The following NCALD variants were observed in gnomAD, a reference collection of about 807,000 sequenced individuals.
NCALD encodes neurocalcin delta.
A neutral mutation model predicts 18.6 loss-of-function variants in NCALD; 10 were observed. The observed-to-expected ratio is 0.54, with a 90% CI of 0.33 to 0.91. The LOEUF is 0.91. NCALD is among the 40% of genes least tolerant of loss of function. The probability of loss-of-function intolerance (pLI) is 0.03; values close to 1 mark genes in which losing one functional copy is unlikely to be tolerated. For missense variants in NCALD, 184 were observed against 247.6 expected (o/e 0.74, Z 1.72); for synonymous variants, 88 against 87.4 (o/e 1.01, Z -0.04).
chr8:101,778,144 T>C (rs112005601), intron 1 of NCALD, among the ~76,000 whole-genome samples: 4,187 of 152,344 alleles, frequency 0.027, 93 homozygotes, highest in Middle Eastern at 0.048. Flanking sequence ...GTCAGGACAG[T>C]CACAGGCTTG....
At chr8:101,817,194 T>C (rs886758405) in intron 4 of NCALD, among the ~76,000 whole-genome samples, 3 of 152,122 alleles carry the variant, frequency 2.0e-5, no homozygotes, top group African/African-American at 7.2e-5. Context: ...TAGAAGCCCC[T>C]GTTCTTCCTT....
chr8:101,742,855 T>G (rs1482941950), intron 1 of NCALD, among the ~76,000 whole-genome samples: 1 of 152,096 alleles, frequency 6.6e-6, no homozygotes, highest in Non-Finnish European at 1.5e-5. Context: ...CAATATGTGT[T>G]GTTCCCCCTC....
chr8:101,893,679 C>G (rs1342744694), intron 3 of NCALD, among the ~76,000 whole-genome samples: 1 of 126,684 alleles, frequency 7.9e-6, no homozygotes, highest in Non-Finnish European at 1.6e-5. Context: ...ATCTACCAAG[C>G]AAATGGAAAA....
intron 1 of NCALD, among the ~76,000 whole-genome samples, chr8:102,073,186 G>C (rs185932149): frequency 2.0e-5 from 3 of 152,088 alleles, no homozygotes; most frequent in Non-Finnish European, 2.9e-5. Flanking sequence ...CCATAATCCC[G>C]GCTACTCAGG....
At chr8:101,698,135 C>T (rs1178254251) in intron 2 of NCALD, among the ~76,000 whole-genome samples, 1 of 151,960 alleles carries the variant, frequency 6.6e-6, no homozygotes, top group Non-Finnish European at 1.5e-5. Flanking sequence ...TTCTATACAC[C>T]AACAATAGAC....
chr8:102,110,668 G>A (rs748160361), intron 1 of NCALD, among the ~76,000 whole-genome samples: 2 of 152,200 alleles, frequency 1.3e-5, no homozygotes, highest in South Asian at 2.1e-4. Flanking sequence ...TAACCCATTC[G>A]GAAAAGTAAA....
intron 1 of NCALD, among the ~76,000 whole-genome samples, chr8:101,743,560 C>T (rs1810302845): frequency 6.6e-6 from 1 of 152,130 alleles, no homozygotes; most frequent in African/African-American, 2.4e-5. Context: ...GGGATGTTGA[C>T]AGGTGAGTAC....
chr8:101,961,433 G>A (rs905818166), intron 2 of NCALD, among the ~76,000 whole-genome samples: 6 of 152,080 alleles, frequency 3.9e-5, no homozygotes, highest in Admixed American at 3.9e-4. Flanking sequence ...CAGGATTCAA[G>A]TTCAATAGTT....
At chr8:101,875,442 T>C (rs568983895) in intron 4 of NCALD, among the ~76,000 whole-genome samples, 1 of 152,328 alleles carries the variant, frequency 6.6e-6, no homozygotes, top group Admixed American at 6.5e-5. Context: ...CATCACTTCA[T>C]TGTCCTTTTT....
chr8:102,004,488 C>T (rs921503793), intron 2 of NCALD, among the ~76,000 whole-genome samples: 19 of 152,180 alleles, frequency 1.2e-4, no homozygotes, highest in Non-Finnish European at 2.4e-4. Flanking sequence ...CCATCCCCAT[C>T]AAGCTACCAA....
At chr8:101,916,516 C>CAT (rs1349916376) in intron 2 of NCALD, among the ~76,000 whole-genome samples, 12 of 152,134 alleles carry the variant, frequency 7.9e-5, no homozygotes, top group African/African-American at 2.7e-4. Context: ...CAAAACCTTA[C>CAT]ATATCACTAT....
At chr8:102,093,163 C>CA (rs556834019) in intron 1 of NCALD, among the ~76,000 whole-genome samples, 9,328 of 137,982 alleles carry the variant, frequency 0.068, 405 homozygotes, top group Non-Finnish European at 0.1. Flanking sequence ...TGTCTCCAAA[C>CA]AAAAAAAAAA....
At chr8:101,742,035 C>T (rs1052296300) in intron 1 of NCALD, among the ~76,000 whole-genome samples, 25 of 150,072 alleles carry the variant, frequency 1.7e-4, no homozygotes, top group Non-Finnish European at 2.8e-4. Flanking sequence ...GGGAGGATCA[C>T]GAGGTCAGGA....
At position 102,019,985 on chromosome 8, in the gene NCALD, T is replaced by C. The variant is rs150836762; in HGVS notation, c.-157+252A>G. 5.7e-3 allele frequency among the ~76,000 whole-genome samples: 864 copies of C among 152,280 alleles called. 12 individuals are homozygous for C. Among genetic ancestry groups the C allele is most frequent in the African/African-American group, 0.019 (807 of 41,554 alleles). On this transcript the variant is annotated intron_variant, in intron 2 of 6. Coordinates refer to the NCALD transcript ENST00000311028. The stretch of plus-strand genomic sequence containing the variant: ...ATGTACCATAATTAATTTAATACAA[T>C]TTGCCTAGTGTTGGATATTTATATT...
intron 2 of NCALD, among the ~76,000 whole-genome samples, chr8:101,957,692 A>G (rs1819687995): frequency 6.6e-6 from 1 of 152,164 alleles, no homozygotes; most frequent in Non-Finnish European, 1.5e-5. Context: ...GTCCAATGCT[A>G]AGGCCTGACA....
chr8:101,779,014 G>GC (rs1333311133), intron 1 of NCALD, among the ~76,000 whole-genome samples: 3 of 152,124 alleles, frequency 2.0e-5, no homozygotes, highest in Non-Finnish European at 4.4e-5. Flanking sequence ...AATCAAAATG[G>GC]CAGCAGACTC....
intron 4 of NCALD, among the ~76,000 whole-genome samples, chr8:101,814,583 G>A (rs1245272045): frequency 6.6e-6 from 1 of 152,056 alleles, no homozygotes; most frequent in Non-Finnish European, 1.5e-5. Context: ...AATAAGGCAA[G>A]GGTGTCTCTA....
At chr8:102,121,025 C>T (rs1206537731) in intron 1 of NCALD, among the ~76,000 whole-genome samples, 3 of 152,224 alleles carry the variant, frequency 2.0e-5, no homozygotes, top group African/African-American at 7.2e-5. Flanking sequence ...AGCACACTTT[C>T]TTGCTGAGCC....
chr8:101,822,005 C>A (rs1813743328), intron 4 of NCALD, among the ~76,000 whole-genome samples: 1 of 151,398 alleles, frequency 6.6e-6, no homozygotes, highest in African/African-American at 2.4e-5. Context: ...GCTTGTGAAA[C>A]TTTCCTCGAG....
Sources: gnomAD v4.1 joint callset for allele counts (sites outside exome capture counted in the v4.1 genomes callset) on GRCh38, gnomAD v4.1.1 for gene constraint, MANE v1.5 for transcripts, NCBI Gene and HGNC (gene_info 2026-07-23, HGNC 2026-07-21) for gene names.